SRRM2: variants seen among roughly 807,000 people sequenced by gnomAD.
SRRM2 encodes serine/arginine repetitive matrix 2, also known as serine/arginine repetitive matrix protein 2.
A neutral mutation model predicts 213.8 loss-of-function variants in SRRM2; 30 were observed. The ratio of observed to expected loss-of-function variants is 0.14; its 90% CI spans 0.10 to 0.19. The LOEUF (loss-of-function observed/expected upper bound fraction) is 0.19, where lower values mean the gene tolerates loss of function less well. Among genes scored for constraint, SRRM2 ranks in the 10% least tolerant of loss-of-function variants. The pLI is 1.00. For synonymous variants in SRRM2, 2,025 were observed against 1,377.7 expected (o/e 1.47, Z -10.40); for missense variants, 4,904 against 3,647.0 (o/e 1.34, Z -8.88).
chr16:2,770,150 C>A (rs1259706542), intron 12 of SRRM2: 3 of 1,432,664 alleles, frequency 2.1e-6, no homozygotes, highest in Admixed American at 2.9e-5. Context: ...ATCTTTGCAT[C>A]CCCCGCTGCA....
chr16:2,760,477 A>G lies in SRRM2; in HGVS notation c.1010A>G (p.Asp337Gly). The G allele has an allele frequency of 6.2e-7, 1 of 1,614,210 alleles. No homozygotes were observed. Among genetic ancestry groups the G allele is most frequent in the Non-Finnish European group, 8.5e-7 (1 of 1,180,030 alleles). The change falls in exon 10 of 15, where the codon GAC becomes GGC. Residue 337 changes from aspartate (D) to glycine (G), a missense_variant. Coordinates refer to ENST00000301740, the MANE Select transcript of SRRM2 (RefSeq NM_016333.4). The part of the protein sequence containing the change: ...ATKQPSSPYE[D>G]KDKDKKEKSA... ...AAACAGCCTAGCAGCCCTTATGAAG[A>G]CAAAGATAAAGACAAGAAGGAGGTA...
At position 2,760,489 on chromosome 16, in the gene SRRM2, A is replaced by G; in HGVS notation, c.1022A>G (p.Asp341Gly). 1 of 1,614,178 alleles carries G rather than the reference A, an allele frequency of 6.2e-7. No individual in the cohort carries two copies. ...PSSPYEDKDK[D>G]KKEKSATRPS... Reference sequence around the variant, plus strand: ...AGCCCTTATGAAGACAAAGATAAAGACAAGAAGGAGGTATGTTCCTGAGTT... The same window carrying G: ...AGCCCTTATGAAGACAAAGATAAAGGCAAGAAGGAGGTATGTTCCTGAGTT... The change falls in exon 10 of 15, where the codon GAC (aspartate) becomes GGC (glycine). Residue 341 changes from aspartate (D) to glycine (G), a missense_variant. By Grantham distance (94) the Asp-to-Gly change is moderately conservative. Coordinates refer to ENST00000301740, the MANE Select transcript of SRRM2 (RefSeq NM_016333.4).
rs1361852038 is a variant in SRRM2, at chr16:2,767,241, C to G, written c.6713C>G (p.Ala2238Gly). 6.2e-7 allele frequency: 1 copy of G among 1,614,144 alleles called. No individual in the cohort carries two copies. Among genetic ancestry groups the G allele is most frequent in the South Asian group, 1.1e-5 (1 of 91,080 alleles). ...LASRIPAASA[A>G]AMNLASARTP... ...AGCAGGATTCCTGCAGCCTCTGCGG[C>G]AGCCATGAACCTAGCCAGCGCCAGG... Residue 2238 changes from alanine (A) to glycine (G), a missense_variant, in exon 11 of 15, where the codon GCA (alanine) becomes GGA (glycine). By Grantham distance (60) the Ala-to-Gly change is moderately conservative. Transcript: ENST00000301740.
chr16:2,768,902 G>A, intron 11 of SRRM2, 95 bp from the exon 12 acceptor site: 1 of 1,568,924 alleles, frequency 6.4e-7, no homozygotes. Flanking sequence ...CCTTTCTCAG[G>A]CACCCCTCCC....
intron 11 of SRRM2, 69 bp from the exon 12 acceptor site, chr16:2,768,928 C>G (rs759208258): frequency 1.9e-6 from 3 of 1,601,546 alleles, no homozygotes; most frequent in Admixed American, 1.7e-5. Flanking sequence ...TGCCGTTCCT[C>G]CAGGCCAAGG....
At chr16:2,755,111 C>G (rs2068094794) in intron 1 of SRRM2, among the ~76,000 whole-genome samples, 1 of 152,076 alleles carries the variant, frequency 6.6e-6, no homozygotes, top group Non-Finnish European at 1.5e-5. Flanking sequence ...TATGCATGTT[C>G]TAGGAAACTA....
At position 2,763,239 on chromosome 16, in the gene SRRM2, C is replaced by G. The variant is rs770261597; in HGVS notation, c.2711C>G (p.Pro904Arg). The G allele has an allele frequency of 5.6e-6, 9 of 1,614,116 alleles. No individual in the cohort carries two copies. Among genetic ancestry groups the G allele is most frequent in the Middle Eastern group, 3.3e-4 (2 of 6,062 alleles). ...CCTCCTAGAGTGAAATCTAGCACAC[C>G]TCCCAGACAGAGCCCATCTAGGTCA... is the stretch of plus-strand genomic sequence containing the variant. ...SSPPRVKSST[P>R]PRQSPSRSSS... Residue 904 changes from proline to arginine, a missense_variant, in exon 11 of 15, where the codon CCT becomes CGT. Physicochemically the swap from Pro to Arg is moderately radical, Grantham distance 103. Transcript: ENST00000301740.
Position 2,759,573 on chromosome 16 carries a change from C to G in SRRM2, c.745C>G (p.Arg249Gly), listed in dbSNP as rs2068266409. The G allele has an allele frequency of 4.3e-6, 7 of 1,614,068 alleles. No individual in the cohort carries two copies. Among genetic ancestry groups the G allele is most frequent in the Non-Finnish European group, 5.1e-6 (6 of 1,180,006 alleles). The change falls in exon 9 of 15, where the codon CGA becomes GGA. Residue 249 changes from arginine to glycine, a missense_variant. By Grantham distance (125) the Arg-to-Gly change is moderately radical (BLOSUM62 -2). Coordinates refer to ENST00000301740, the MANE Select transcript of SRRM2 (RefSeq NM_016333.4). ...GTGGTGGTGGTCTTCCTTCAGGTCT[C>G]GAAGTACAACACCAGCCCCCAAGAG... is the stretch of plus-strand genomic sequence containing the variant. Reference protein sequence around the residue: ...KSKDKKRKRSRSTTPAPKSRR... With the variant: ...KSKDKKRKRSGSTTPAPKSRR...
chr16:2,770,257 G>T (rs1055493292), intron 12 of SRRM2, 95 bp from the exon 13 acceptor site: 1 of 1,472,278 alleles, frequency 6.8e-7, no homozygotes, highest in East Asian at 2.5e-5. Flanking sequence ...TGTGTGGTGT[G>T]AGGTTTGGTG....
In SRRM2 at chr16:2,766,863, C is replaced by G; in HGVS notation, c.6335C>G (p.Ser2112Cys). Residue 2112 changes from serine to cysteine, a missense_variant, in exon 11 of 15, where the codon TCC (serine) becomes TGC (cysteine). Coordinates refer to ENST00000301740, the MANE Select transcript of SRRM2 (RefSeq NM_016333.4). The surrounding 1 kb of genome is among the most constrained non-coding windows in gnomAD (Gnocchi z 7.0). ...SRTPPVALNS[S>C]RMSCFSRPSM... is the part of the protein sequence containing the mutation. Reference sequence around the variant, plus strand: ...ACACCTCCAGTAGCACTCAACAGTTCCAGAATGAGCTGCTTCAGTCGTCCT... The same window carrying G: ...ACACCTCCAGTAGCACTCAACAGTTGCAGAATGAGCTGCTTCAGTCGTCCT... 1.2e-6 allele frequency: 2 copies of G among 1,614,150 alleles called. No homozygotes were observed. The highest frequency in any genetic ancestry group is 1.1e-5 in the South Asian group (1 of 91,084).
Position 2,761,633 on chromosome 16 carries a change from C to T in SRRM2, c.1105C>T (p.Leu369Phe). 6.3e-7 allele frequency: 1 copy of T among 1,577,596 alleles called. No individual in the cohort carries two copies. The highest frequency in any genetic ancestry group is 8.6e-7 in the Non-Finnish European group (1 of 1,164,514). The change falls in exon 11 of 15, where the codon CTC (leucine) becomes TTC (phenylalanine). Residue 369 changes from leucine to phenylalanine, a missense_variant. Coordinates refer to ENST00000301740, the MANE Select transcript of SRRM2 (RefSeq NM_016333.4). ...CCCAGAACCACCTGCTCCCACTCCG[C>T]TCCTTGCTGAGCGACATGGCGGCTC... ...TGPEPPAPTP[L>F]LAERHGGSPQ...
intron 11 of SRRM2, chr16:2,768,754 G>A: frequency 1.3e-6 from 1 of 769,746 alleles, no homozygotes; most frequent in Non-Finnish European, 2.2e-6. Context: ...TCCTCCATCA[G>A]GGACATTCTT....
At position 2,765,389 on chromosome 16, in the gene SRRM2, T is replaced by G. The variant is rs2068503499; in HGVS notation, c.4861T>G (p.Ser1621Ala). Residue 1621 changes from serine (S) to alanine (A), a missense_variant, in exon 11 of 15, where the codon TCT (serine) becomes GCT (alanine). Coordinates refer to ENST00000301740, the MANE Select transcript of SRRM2 (RefSeq NM_016333.4). ...APRAQSGSDSSPEPKAPAPRA... is the reference protein window; with the variant it reads ...APRAQSGSDSAPEPKAPAPRA... ...CAGGGCACAGAGTGGTTCTGATTCC[T>G]CTCCTGAACCTAAAGCTCCAGCCCC... The G allele has an allele frequency of 6.2e-7, 1 of 1,614,126 alleles. No homozygotes were observed. The highest frequency in any genetic ancestry group is 2.2e-5 in the East Asian group (1 of 44,874).
At chr16:2,768,760 T>TTCCTCCA in intron 11 of SRRM2, 1 of 778,286 alleles carries the variant, frequency 1.3e-6, no homozygotes, top group Non-Finnish European at 2.2e-6. Flanking sequence ...ATCAGGGACA[T>TTCCTCCA]TCTTGAGGTT....
chr16:2,765,736 C>G lies in SRRM2; in HGVS notation c.5208C>G (p.Ala1736=), dbSNP rs369193026. ...CCTCAGTGTCTTCCCCGGAGCCAGC[C>G]GAAAAATCGAGGTCTTCACGCCGAC... is the stretch of plus-strand genomic sequence containing the variant. ...RSPSVSSPEP[A]EKSRSSRRRR... Residue 1736 remains alanine, a synonymous_variant, in exon 11 of 15, where the codon GCC becomes GCG. Coordinates refer to ENST00000301740, the MANE Select transcript of SRRM2 (RefSeq NM_016333.4). 1.2e-6 allele frequency: 2 copies of G among 1,614,100 alleles called. No individual in the cohort carries two copies. Among genetic ancestry groups the G allele is most frequent in the South Asian group, 1.1e-5 (1 of 91,074 alleles).
Position 2,762,204 on chromosome 16 carries a change from G to A in SRRM2, c.1676G>A (p.Arg559Gln), listed in dbSNP as rs199692788. The A allele has an allele frequency of 5.0e-6, 8 of 1,614,066 alleles. No homozygotes were observed. In the African/African-American group the frequency reaches 5.3e-5, roughly 11 times the overall value. The change falls in exon 11 of 15, where the codon CGA becomes CAA. Residue 559 changes from arginine (R) to glutamine (Q), a missense_variant. Arg to Gln is a conservative substitution (Grantham distance 43). Transcript: ENST00000301740. ...AGAGGCAGGTCTAGGTCAGCAAGGC[G>A]AGGGAGGTCCCACTCTAGATCCCCA... ...QRRGRSRSARRGRSHSRSPAT... is the reference protein window; with the variant it reads ...QRRGRSRSARQGRSHSRSPAT...
At chr16:2,761,215 C>T (rs2068334496) in intron 10 of SRRM2, among the ~76,000 whole-genome samples, 1 of 152,218 alleles carries the variant, frequency 6.6e-6, no homozygotes, top group Non-Finnish European at 1.5e-5. Flanking sequence ...AGTTATTCTT[C>T]AAAGGTGAAG....
At position 2,764,020 on chromosome 16, in the gene SRRM2, A is replaced by C; in HGVS notation, c.3492A>C (p.Ser1164=). Residue 1164 remains serine (S), a synonymous_variant, in exon 11 of 15, where the codon TCA becomes TCC. Coordinates refer to ENST00000301740, the MANE Select transcript of SRRM2 (RefSeq NM_016333.4). ...AGAGTAGATTGGAGACTGCTGAATC[A>C]AAAGAGAAAATGGCCTTACCCCCTC... is the stretch of plus-strand genomic sequence containing the variant. The part of the protein sequence containing the change: ...LGQSRLETAE[S]KEKMALPPQE... 6.2e-7 allele frequency: 1 copy of C among 1,614,196 alleles called. No homozygotes were observed. Among genetic ancestry groups the C allele is most frequent in the Non-Finnish European group, 8.5e-7 (1 of 1,180,046 alleles).
intron 14 of SRRM2, 47 bp from the exon 15 acceptor site, chr16:2,770,811 G>C (rs529671268): frequency 6.2e-7 from 1 of 1,613,536 alleles, no homozygotes. Context: ...AACTGGCCTT[G>C]AGGGCTGGGG....
Sources: gnomAD v4.1 joint callset for allele counts (sites outside exome capture counted in the v4.1 genomes callset) on GRCh38, gnomAD v4.1.1 for gene constraint, Gnocchi (gnomAD v3.1) non-coding constraint, MANE v1.5 for transcripts, NCBI Gene and HGNC (gene_info 2026-07-23, HGNC 2026-07-21) for gene names.